Variants in DAP observed in about 807,000 individuals in gnomAD.
The protein encoded by DAP is death associated protein, also known as death-associated protein 1.
A neutral mutation model predicts 13.8 loss-of-function variants in DAP; 8 were observed. That is an observed-to-expected ratio of 0.58 (90% CI 0.34 to 1.05). DAP has a LOEUF of 1.05. Among genes scored for constraint, DAP ranks in the 50% least tolerant of loss-of-function variants. The pLI, the probability that DAP is intolerant of heterozygous loss-of-function variation, is 0.03. For synonymous variants in DAP, 47 were observed against 47.5 expected (o/e 0.99, Z 0.04); for missense variants, 106 against 133.2 (o/e 0.80, Z 1.01).
chr5:10,694,698 G>A lies in DAP; in HGVS notation c.153-11127C>T, dbSNP rs1265830292. Among the ~76,000 whole-genome samples, 6 of 152,372 alleles carry A rather than the reference G, an allele frequency of 3.9e-5. No homozygotes were observed. In the East Asian group the frequency reaches 1.2e-3, roughly 29 times the overall value. Reference sequence around the variant, plus strand: ...GAGGACACGACACTAGAGCACTGCAGTGGGAGGACAGGGTACCCTCGATCA... The same window carrying A: ...GAGGACACGACACTAGAGCACTGCAATGGGAGGACAGGGTACCCTCGATCA... On this transcript the variant is annotated intron_variant, in intron 2 of 3. Coordinates refer to ENST00000230895, the MANE Select transcript of DAP (RefSeq NM_004394.3).
chr5:10,726,820 G>C (rs1739298704), intron 2 of DAP, among the ~76,000 whole-genome samples: 1 of 152,248 alleles, frequency 6.6e-6, no homozygotes, highest in Admixed American at 6.5e-5. Flanking sequence ...CTGAGTCAGA[G>C]AGAGCAGAAA....
chr5:10,731,412 C>T (rs1439263638), intron 2 of DAP, among the ~76,000 whole-genome samples: 1 of 152,240 alleles, frequency 6.6e-6, no homozygotes, highest in African/African-American at 2.4e-5. Context: ...TGATCTCTTG[C>T]TACCAGCTGC....
chr5:10,741,384 T>C (rs1456635017), intron 2 of DAP, among the ~76,000 whole-genome samples: 1 of 152,104 alleles, frequency 6.6e-6, no homozygotes, highest in East Asian at 1.9e-4. Context: ...GGGGCTGTGG[T>C]AGGAGTATTC....
intron 1 of DAP, among the ~76,000 whole-genome samples, chr5:10,754,968 G>C (rs1176542652): frequency 1.3e-5 from 2 of 152,204 alleles, no homozygotes; most frequent in Non-Finnish European, 2.9e-5. Context: ...GGGAAATGAG[G>C]GTTGTAGATG....
At chr5:10,695,181 G>A (rs569930364) in intron 2 of DAP, among the ~76,000 whole-genome samples, 13 of 152,300 alleles carry the variant, frequency 8.5e-5, no homozygotes, top group South Asian at 2.1e-4. Flanking sequence ...TGTGACAGTC[G>A]AGGCTGTCTC....
chr5:10,680,785 T>G lies in DAP; in HGVS notation c.*271A>C, dbSNP rs1737965466. 4 of 1,536,688 alleles carry G rather than the reference T, an allele frequency of 2.6e-6. No individual in the cohort carries two copies. In the East Asian group the frequency reaches 9.7e-5, roughly 37 times the overall value. On this transcript the variant is annotated 3_prime_UTR_variant, in exon 4 of 4. Coordinates refer to ENST00000230895, the MANE Select transcript of DAP (RefSeq NM_004394.3). ...GCTGAAATAGAACTAAAGCTAAAATTTTTCTCGGATCTTGGCAAATTCTGC... is the reference window on the plus strand; with the variant it reads ...GCTGAAATAGAACTAAAGCTAAAATGTTTCTCGGATCTTGGCAAATTCTGC...
At position 10,733,594 on chromosome 5, in the gene DAP, G is replaced by A. The variant is rs1007295893; in HGVS notation, c.152+14581C>T. On this transcript the variant is annotated intron_variant, in intron 2 of 3. Coordinates refer to ENST00000230895, the MANE Select transcript of DAP (RefSeq NM_004394.3). ...AACACCACCCTTGATACTCCAGCCCGTATTAATTCCACAGTAATGACTACA... is the reference window on the plus strand; with the variant it reads ...AACACCACCCTTGATACTCCAGCCCATATTAATTCCACAGTAATGACTACA... 3.9e-5 allele frequency among the ~76,000 whole-genome samples: 6 copies of A among 152,072 alleles called. No homozygotes were observed. The East Asian group carries it at 7.7e-4, about 20-fold the overall frequency.
intron 1 of DAP, among the ~76,000 whole-genome samples, chr5:10,754,937 T>G (rs1006119877): frequency 6.6e-6 from 1 of 152,090 alleles, no homozygotes; most frequent in Non-Finnish European, 1.5e-5. Context: ...AACCTGTGAG[T>G]GTGCTGGGCT....
intron 1 of DAP, among the ~76,000 whole-genome samples, chr5:10,748,544 G>A (rs549097021): frequency 1.3e-5 from 2 of 152,240 alleles, no homozygotes; most frequent in Non-Finnish European, 2.9e-5. Flanking sequence ...TGTCAGAGCA[G>A]CAGTGTAACG....
chr5:10,684,113 T>A (rs267965), intron 2 of DAP, among the ~76,000 whole-genome samples: 1 of 152,364 alleles, frequency 6.6e-6, no homozygotes, highest in African/African-American at 2.4e-5. Flanking sequence ...GATGAGCCAC[T>A]GTGCCCAGCC....
chr5:10,745,828 T>G (rs1739888452), intron 2 of DAP, among the ~76,000 whole-genome samples: 1 of 152,204 alleles, frequency 6.6e-6, no homozygotes, highest in South Asian at 2.1e-4. Flanking sequence ...GCCCTCTTTC[T>G]TCCTTGGGGA....
chr5:10,701,991 A>C (rs1738590567), intron 2 of DAP, among the ~76,000 whole-genome samples: 2 of 152,342 alleles, frequency 1.3e-5, no homozygotes, highest in South Asian at 4.1e-4. Flanking sequence ...AGGCTGGCTC[A>C]TGTTCTCTTT....
rs1175756940 is a variant in DAP at position 10,707,658 on chromosome 5, G to GATT, written c.153-24090_153-24088dup. Among the ~76,000 whole-genome samples the GATT allele has an allele frequency of 7.9e-5, 12 of 152,278 alleles. No homozygotes were observed. Among genetic ancestry groups the GATT allele is most frequent in the African/African-American group, 2.6e-4 (11 of 41,536 alleles). ...AGGTGGTGTGATGCACGGGTGGTGT[G>GATT]ATTTGCGATCAGTGTGGTGCACAGG... On this transcript the variant is annotated intron_variant, in intron 2 of 3. Coordinates refer to ENST00000230895, the MANE Select transcript of DAP (RefSeq NM_004394.3). This position sits in a 1 kb window ranked among gnomAD's most constrained non-coding sequence, Gnocchi z 4.0.
Position 10,693,333 on chromosome 5 carries a change from C to T in DAP, c.153-9762G>A, listed in dbSNP as rs187471142. 1.1e-4 allele frequency among the ~76,000 whole-genome samples: 16 copies of T among 152,360 alleles called. No homozygotes were observed. The East Asian group carries it at 1.9e-3, about 18-fold the overall frequency. ...TCCTCTGCAAATGCTGTCTCCTTTT[C>T]ATGTAAATGTACTCTATCAGCAGGA... is the stretch of plus-strand genomic sequence containing the variant. On this transcript the variant is annotated intron_variant, in intron 2 of 3. Coordinates refer to ENST00000230895, the MANE Select transcript of DAP (RefSeq NM_004394.3).
chr5:10,743,179 T>C (rs540236785), intron 2 of DAP, among the ~76,000 whole-genome samples: 11 of 152,376 alleles, frequency 7.2e-5, no homozygotes, highest in African/African-American at 2.4e-4. Context: ...CATTTATGCA[T>C]AGTTTTTTAT....
At chr5:10,695,415 C>T (rs1406330835) in intron 2 of DAP, among the ~76,000 whole-genome samples, 1 of 152,254 alleles carries the variant, frequency 6.6e-6, no homozygotes, top group Non-Finnish European at 1.5e-5. Context: ...AACTCAACTT[C>T]AGTGTCGTAA....
intron 2 of DAP, among the ~76,000 whole-genome samples, chr5:10,737,917 T>G (rs1183380200): frequency 6.6e-6 from 1 of 152,138 alleles, no homozygotes; most frequent in African/African-American, 2.4e-5. Flanking sequence ...AAGGGGAAAT[T>G]TGGACACAAA....
intron 2 of DAP, among the ~76,000 whole-genome samples, chr5:10,708,511 T>G (rs779521138): frequency 6.6e-6 from 1 of 152,088 alleles, no homozygotes; most frequent in Non-Finnish European, 1.5e-5. Flanking sequence ...TATCCTGGGA[T>G]GCACTAATCC....
Position 10,726,103 on chromosome 5 carries a change from T to G in DAP, c.152+22072A>C, listed in dbSNP as rs575642315. On this transcript the variant is annotated intron_variant, in intron 2 of 3. Coordinates refer to ENST00000230895, the MANE Select transcript of DAP (RefSeq NM_004394.3). ...TAAAGTCAACAGGACACATGACAGA[T>G]GCTTTCAAAATAGATTCAAGTCCCA... 2.2e-4 allele frequency among the ~76,000 whole-genome samples: 33 copies of G among 152,340 alleles called. No individual in the cohort carries two copies. In the South Asian group the frequency reaches 6.8e-3, roughly 32 times the overall value.
Sources: gnomAD v4.1 joint callset for allele counts (sites outside exome capture counted in the v4.1 genomes callset) on GRCh38, gnomAD v4.1.1 for gene constraint, Gnocchi (gnomAD v3.1) non-coding constraint, MANE v1.5 for transcripts, NCBI Gene and HGNC (gene_info 2026-07-23, HGNC 2026-07-21) for gene names.